Variants in SMOC2 observed in about 807,000 individuals in gnomAD.
SMOC2 encodes the protein SPARC related modular calcium binding 2.
Under a neutral mutation model 61.4 loss-of-function variants are expected in SMOC2, and 39 were observed. That is an observed-to-expected ratio of 0.64 (90% CI 0.49 to 0.83). SMOC2 has a LOEUF of 0.83. SMOC2 is among the 40% of genes least tolerant of loss of function. The pLI is 0.00. For missense variants in SMOC2, 556 were observed against 592.9 expected, an observed-to-expected ratio of 0.94 and a Z score of 0.65; for synonymous variants, 247 against 239.9, an observed-to-expected ratio of 1.03 and a Z score of -0.27.
chr6:168,620,650 CAG>C (rs1424477477), intron 9 of SMOC2, among the ~76,000 whole-genome samples: 2 of 152,178 alleles, frequency 1.3e-5, no homozygotes, highest in African/African-American at 2.4e-5. Context: ...CCCTTTGAGT[CAG>C]GGAACCGCAG....
intron 9 of SMOC2, among the ~76,000 whole-genome samples, chr6:168,624,761 A>C (rs554547931): frequency 1.3e-5 from 2 of 151,974 alleles, no homozygotes; most frequent in African/African-American, 4.8e-5. Context: ...ACTCACAGAC[A>C]CATGCACACA....
Position 168,441,295 on chromosome 6 carries a change from G to A in SMOC2, c.-76G>A, listed in dbSNP as rs887330134. 7.0e-6 allele frequency: 10 copies of A among 1,437,644 alleles called. No homozygotes were observed. In the Admixed American group the frequency reaches 1.7e-4, roughly 25 times the overall value. 89.1% of individuals were successfully genotyped at this position (1,437,644 alleles called of 1,614,324 possible). A position where few individuals can be genotyped will look rare whatever the true frequency, so the allele number is the denominator to read the frequency against. ...TCCACGCGCCCGCCCAGCCGCGCTC[G>A]CCCACTGGGCTCTCCCGGCTGCAGT... On this transcript the variant is annotated 5_prime_UTR_variant, in exon 1 of 13. Coordinates refer to ENST00000356284, the MANE Select transcript of SMOC2 (RefSeq NM_001166412.2).
chr6:168,613,853 G>A, intron 9 of SMOC2, among the ~76,000 whole-genome samples: 1 of 90,982 alleles, frequency 1.1e-5, no homozygotes, highest in East Asian at 3.5e-4. Context: ...AGCCAGCACA[G>A]GGGGCCTCTT....
chr6:168,456,359 C>CCG (rs1781587019), intron 1 of SMOC2, among the ~76,000 whole-genome samples: 1 of 152,208 alleles, frequency 6.6e-6, no homozygotes, highest in African/African-American at 2.4e-5. Context: ...TGGCAGGTGG[C>CCG]CGCGGCCATT....
chr6:168,555,815 A>T (rs1399642456), intron 7 of SMOC2, among the ~76,000 whole-genome samples: 5 of 152,032 alleles, frequency 3.3e-5, no homozygotes, highest in Admixed American at 6.5e-5. Context: ...CTACGCCCTG[A>T]GCACCTGTTT....
At chr6:168,448,116 G>A (rs577462081) in intron 1 of SMOC2, among the ~76,000 whole-genome samples, 7 of 152,194 alleles carry the variant, frequency 4.6e-5, no homozygotes, top group Non-Finnish European at 7.3e-5. Flanking sequence ...ACCGACCTGC[G>A]ATTTGTGACT....
Position 168,518,414 on chromosome 6 carries a change from TGTGTGCATGA to T in SMOC2, c.257-7922_257-7913del, listed in dbSNP as rs1462672799. 1.0e-4 allele frequency among the ~76,000 whole-genome samples: 15 copies of T among 149,784 alleles called. No homozygotes were observed. The South Asian group carries it at 2.7e-3, about 27-fold the overall frequency. ...GTGATTGTGTATGCTTGTGTGTGAA[TGTGTGCATGA>T]GTGTGCATGTGTGACTGTGAATGTG... On this transcript the variant is annotated intron_variant, in intron 2 of 12. Transcript: ENST00000356284.
intron 11 of SMOC2, among the ~76,000 whole-genome samples, chr6:168,657,900 C>T (rs1009015609): frequency 6.6e-6 from 1 of 152,196 alleles, no homozygotes; most frequent in African/African-American, 2.4e-5. Context: ...AACCTCCCAA[C>T]GCCTCTGTAT....
intron 5 of SMOC2, among the ~76,000 whole-genome samples, chr6:168,545,519 C>T (rs191534149): frequency 2.2e-4 from 34 of 152,308 alleles, no homozygotes; most frequent in African/African-American, 7.9e-4. Flanking sequence ...ACAGAGCCAC[C>T]CCGTCTGTGA....
At chr6:168,615,296 C>T (rs866571321) in intron 9 of SMOC2, among the ~76,000 whole-genome samples, 23 of 74,790 alleles carry the variant, frequency 3.1e-4, no homozygotes, top group Admixed American at 6.7e-4. Context: ...GGCCTCTTCA[C>T]ACCTACAGCC....
chr6:168,628,634 A>G (rs1786482641), intron 9 of SMOC2, among the ~76,000 whole-genome samples: 1 of 152,242 alleles, frequency 6.6e-6, no homozygotes, highest in Non-Finnish European at 1.5e-5. Flanking sequence ...TCCTTCTCCT[A>G]AGTCCCCACG....
intron 1 of SMOC2, among the ~76,000 whole-genome samples, chr6:168,498,842 A>C (rs1782656882): frequency 2.2e-5 from 3 of 135,780 alleles, no homozygotes; most frequent in Admixed American, 2.1e-4. Flanking sequence ...TCTACTACAC[A>C]TGGAAACCCT....
chr6:168,512,171 G>A (rs1783024946), intron 2 of SMOC2, among the ~76,000 whole-genome samples: 1 of 152,188 alleles, frequency 6.6e-6, no homozygotes, highest in Non-Finnish European at 1.5e-5. Context: ...AGTAGGTGGA[G>A]CCGGGCTGGC....
At chr6:168,564,417 C>T (rs1784497525) in intron 7 of SMOC2, among the ~76,000 whole-genome samples, 1 of 152,150 alleles carries the variant, frequency 6.6e-6, no homozygotes, top group African/African-American at 2.4e-5. Flanking sequence ...TATAACACTT[C>T]AGACTTTATG....
rs774473004 is a variant in SMOC2 at position 168,471,132 on chromosome 6, A to G, written c.84+29678A>G. On this transcript the variant is annotated intron_variant, in intron 1 of 12. Transcript: ENST00000356284. ...CGTAAGCATTTTAAGTGTGTGGCTG[A>G]GTTCTGTTTTAAGGAGATATAACTG... Among the ~76,000 whole-genome samples the G allele has an allele frequency of 5.5e-4, 84 of 152,304 alleles. No homozygotes were observed. The Middle Eastern group carries it at 0.014, about 25-fold the overall frequency.
At chr6:168,627,881 A>G (rs1562391921) in intron 9 of SMOC2, among the ~76,000 whole-genome samples, 1 of 152,190 alleles carries the variant, frequency 6.6e-6, no homozygotes, top group Non-Finnish European at 1.5e-5. Context: ...AGCGGAGGAG[A>G]AAGGCCCACA....
At chr6:168,545,167 A>G (rs1429876225) in intron 5 of SMOC2, among the ~76,000 whole-genome samples, 1 of 152,142 alleles carries the variant, frequency 6.6e-6, no homozygotes, top group East Asian at 1.9e-4. Context: ...AAATTAATCA[A>G]ATGTGGAAAG....
rs1371498511 is a variant in SMOC2 at position 168,616,531 on chromosome 6, C to T, written c.907+8292C>T. Among the ~76,000 whole-genome samples, 10 of 152,172 alleles carry T rather than the reference C, an allele frequency of 6.6e-5. No homozygotes were observed. In the East Asian group the frequency reaches 1.7e-3, roughly 26 times the overall value. Reference sequence around the variant, plus strand: ...TAGGGCTGGGGAGTCCCAGATATGGCAAGAGACCGTTCCACATGGCACCAC... The same window carrying T: ...TAGGGCTGGGGAGTCCCAGATATGGTAAGAGACCGTTCCACATGGCACCAC... On this transcript the variant is annotated intron_variant, in intron 9 of 12. Transcript: ENST00000356284.
chr6:168,536,945 GGCAGGGTCGGGGCA>G lies in SMOC2; in HGVS notation c.464-6666_464-6653del, dbSNP rs536092815. On this transcript the variant is annotated intron_variant, in intron 4 of 12. Transcript: ENST00000356284. ...GTCTGAAGCCTAGGGTATACACCCT[GGCAGGGTCGGGGCA>G]GCAGGGTCGGGGCTCCTGCCAGTGT... Among the ~76,000 whole-genome samples, 31 of 152,316 alleles carry G rather than the reference GGCAGGGTCGGGGCA, an allele frequency of 2.0e-4. No homozygotes were observed. In the East Asian group the frequency reaches 5.2e-3, roughly 26 times the overall value.
Sources: allele counts gnomAD v4.1 joint callset (sites outside exome capture counted in the v4.1 genomes callset), GRCh38; gene constraint gnomAD v4.1.1; transcripts MANE v1.5; gene names NCBI Gene and HGNC (gene_info 2026-07-23, HGNC 2026-07-21).